Variants in TRIM28 observed in about 807,000 individuals in gnomAD.
TRIM28 encodes tripartite motif containing 28, also known as transcription intermediary factor 1-beta.
In TRIM28, 8 loss-of-function variants were observed where a neutral mutation model predicts 87.4. The observed-to-expected ratio is 0.09, with a 90% CI of 0.05 to 0.17. The LOEUF is 0.17. TRIM28 is among the 10% of genes least tolerant of loss of function. The probability of loss-of-function intolerance (pLI) is 1.00; values close to 1 mark genes in which losing one functional copy is unlikely to be tolerated. For synonymous variants in TRIM28, 601 were observed against 454.3 expected, an observed-to-expected ratio of 1.32 and a Z score of -4.11; for missense variants, 968 against 1,131.8, an observed-to-expected ratio of 0.86 and a Z score of 2.08.
At chr19:58,546,917 G>T (rs907378932) in intron 3 of TRIM28, among the ~76,000 whole-genome samples, 1 of 152,098 alleles carries the variant, frequency 6.6e-6, no homozygotes, top group African/African-American at 2.4e-5. Flanking sequence ...CCCTTGGATT[G>T]TAAGAGACCC....
chr19:58,550,358 G>A lies in TRIM28; in HGVS notation c.2332-19G>A. ...AAGAACTAGGACCCATTCATCCACT[G>A]CATTCCTGCTTGGCCCAGGACAAGG... On this transcript the variant is annotated intron_variant, in intron 16 of 16. Transcript: ENST00000253024. The A allele has an allele frequency of 6.2e-7, 1 of 1,613,004 alleles. No homozygotes were observed. The highest frequency in any genetic ancestry group is 8.5e-7 in the Non-Finnish European group (1 of 1,179,058).
intron 3 of TRIM28, chr19:58,547,019 T>C (rs1287927613): frequency 1.0e-5 from 2 of 191,302 alleles, no homozygotes; most frequent in Admixed American, 1.2e-4. Context: ...ATTCTGAGTA[T>C]GTCCACTTGG....
At chr19:58,545,225 T>G (rs888047724) in intron 1 of TRIM28, 128 bp downstream of exon 1, 1 of 984,468 alleles carries the variant, frequency 1.0e-6, no homozygotes. Context: ...AAATACTTTC[T>G]GGGTCCTGCA....
chr19:58,547,305 C>A, intron 3 of TRIM28, 71 bp from the exon 4 acceptor site: 1 of 1,582,612 alleles, frequency 6.3e-7, no homozygotes, highest in Non-Finnish European at 8.6e-7. Context: ...AAATGAGGCC[C>A]CAACTCATTC....
chr19:58,544,779 G>T lies in TRIM28; in HGVS notation c.22G>T (p.Ala8Ser), dbSNP rs992657769. Residue 8 changes from alanine (A) to serine (S), a missense_variant, in exon 1 of 17, where the codon GCC (alanine) becomes TCC (serine). Physicochemically the swap from Ala to Ser is moderately conservative, Grantham distance 99 (BLOSUM62 1). This residue lies in a region of TRIM28 where 208 missense variants were observed against 170.9 expected (regional missense o/e 1.22). Coordinates refer to ENST00000253024, the MANE Select transcript of TRIM28 (RefSeq NM_005762.3). ...GTGAATGGCGGCCTCCGCGGCGGCAGCCTCGGCAGCAGCGGCCTCGGCCGC... is the reference window on the plus strand; with the variant it reads ...GTGAATGGCGGCCTCCGCGGCGGCATCCTCGGCAGCAGCGGCCTCGGCCGC... MAASAAA[A>S]SAAAASAASG... is the part of the protein sequence containing the mutation. The T allele has an allele frequency of 1.7e-6, 2 of 1,167,220 alleles. No individual in the cohort carries two copies. The highest frequency in any genetic ancestry group is 1.6e-5 in the African/African-American group (1 of 61,418). The allele number at this position is 1,167,220 out of a possible 1,614,324, so 72.3% of individuals were successfully genotyped here.
At position 58,549,161 on chromosome 19, in the gene TRIM28, C is replaced by G. The variant is rs1175488490; in HGVS notation, c.1583C>G (p.Ala528Gly). The G allele has an allele frequency of 6.2e-7, 1 of 1,614,102 alleles. No individual in the cohort carries two copies. The highest frequency in any genetic ancestry group is 8.5e-7 in the Non-Finnish European group (1 of 1,179,988). Residue 528 changes from alanine (A) to glycine (G), a missense_variant, in exon 12 of 17, where the codon GCT becomes GGT. Physicochemically the swap from Ala to Gly is moderately conservative, Grantham distance 60 (BLOSUM62 0). This residue lies in a region of TRIM28 where 164 missense variants were observed against 146.2 expected (regional missense o/e 1.12). Transcript: ENST00000253024. This position sits in a 1 kb window ranked among gnomAD's most constrained non-coding sequence, Gnocchi z 4.4. Reference protein sequence around the residue: ...NLIVIERGAAAAATGQPGTAP... With the variant: ...NLIVIERGAAGAATGQPGTAP... ...ATTGTTATTGAACGTGGCGCTGCCG[C>G]TGCAGCTACCGGCCAGCCAGGGACT...
intron 2 of TRIM28, 21 bp downstream of exon 2, chr19:58,545,558 C>T (rs2053754010): frequency 1.9e-6 from 3 of 1,586,978 alleles, no homozygotes; most frequent in Admixed American, 1.7e-5. Flanking sequence ...TCTCAGCAAC[C>T]ACAAGGAGGT....
Position 58,544,733 on chromosome 19 carries a change from C to A in TRIM28, c.-25C>A, listed in dbSNP as rs896816701. 3.8e-5 allele frequency: 40 copies of A among 1,044,594 alleles called. No homozygotes were observed. The highest frequency in any genetic ancestry group is 2.8e-4 in the Admixed American group (5 of 18,132). The allele number at this position is 1,044,594 out of a possible 1,614,324, so 64.7% of individuals were successfully genotyped here. ...GCGGGCCCCGCGCCCCTCCTCCCCCCCTGGGCGCCCCCGGCGGCGTGTGAA... is the reference window on the plus strand; with the variant it reads ...GCGGGCCCCGCGCCCCTCCTCCCCCACTGGGCGCCCCCGGCGGCGTGTGAA... On this transcript the variant is annotated 5_prime_UTR_variant, in exon 1 of 17. Coordinates refer to ENST00000253024, the MANE Select transcript of TRIM28 (RefSeq NM_005762.3).
intron 2 of TRIM28, 76 bp downstream of exon 2, chr19:58,545,613 C>G: frequency 1.3e-6 from 2 of 1,490,168 alleles, no homozygotes; most frequent in Non-Finnish European, 1.9e-6. Flanking sequence ...GGCACCAGCT[C>G]CAGGCTGTTA....
Position 58,550,604 on chromosome 19 carries a change from AC to A in TRIM28, c.*55del. 6.4e-7 allele frequency: 1 copy of A among 1,557,056 alleles called. No homozygotes were observed. Among genetic ancestry groups the A allele is most frequent in the South Asian group, 1.1e-5 (1 of 88,058 alleles). Reference sequence around the variant, plus strand: ...GCCTGGCTCTGTTCTCTGTCCTGTCACCCCATCCCCACTCCCCTGGTGGCCT... The same window carrying A: ...GCCTGGCTCTGTTCTCTGTCCTGTCACCCATCCCCACTCCCCTGGTGGCCT... On this transcript the variant is annotated 3_prime_UTR_variant, in exon 17 of 17. Transcript: ENST00000253024.
chr19:58,545,193 G>A, intron 1 of TRIM28, 96 bp downstream of exon 1: 2 of 1,185,560 alleles, frequency 1.7e-6, no homozygotes, highest in Non-Finnish European at 2.3e-6. Flanking sequence ...GCGAGAGGAT[G>A]GGGGCCCGGA....
At position 58,544,912 on chromosome 19, in the gene TRIM28, C is replaced by A; in HGVS notation, c.155C>A (p.Ala52Glu). ...GCCTCAGCCGCGGCGTCGTCGCCCG[C>A]GGGGGGCGGCGCCGAGGCGCTGGAG... ...ASASAAASSP[A>E]GGGAEALELL... Residue 52 changes from alanine to glutamate, a missense_variant, in exon 1 of 17, where the codon GCG becomes GAG. By Grantham distance (107) the Ala-to-Glu change is moderately radical (BLOSUM62 -1). This residue lies in a region of TRIM28 where 208 missense variants were observed against 170.9 expected (regional missense o/e 1.22). Transcript: ENST00000253024. 1 of 1,390,624 alleles carries A rather than the reference C, an allele frequency of 7.2e-7. No individual in the cohort carries two copies. Among genetic ancestry groups the A allele is most frequent in the Non-Finnish European group, 9.3e-7 (1 of 1,080,846 alleles). The allele number at this position is 1,390,624 out of a possible 1,614,324, so 86.1% of individuals were successfully genotyped here.
intron 9 of TRIM28, 64 bp from the exon 10 acceptor site, chr19:58,548,676 G>C: frequency 9.7e-7 from 1 of 1,033,484 alleles, no homozygotes; most frequent in South Asian, 1.2e-5. Flanking sequence ...GGGGGGGTGG[G>C]CAGGGAATGG....
chr19:58,545,048 C>A lies in TRIM28; in HGVS notation c.291C>A (p.Pro97=). The change falls in exon 1 of 17, where the codon CCC becomes CCA. Residue 97 remains proline (P), a synonymous_variant. Coordinates refer to ENST00000253024, the MANE Select transcript of TRIM28 (RefSeq NM_005762.3). ...GTGCCTGCTTAGGGCCCGCGGCCCC[C>A]GCCGCCGCCAACAGCTCGGGGGACG... ...ACSACLGPAA[P]AAANSSGDGG... is the part of the protein sequence containing the mutation. The A allele has an allele frequency of 6.9e-7, 1 of 1,459,390 alleles. No individual in the cohort carries two copies. The allele number at this position is 1,459,390 out of a possible 1,614,324, so 90.4% of individuals were successfully genotyped here.
chr19:58,547,975 G>A, intron 6 of TRIM28, 59 bp from the exon 7 acceptor site: 1 of 1,613,122 alleles, frequency 6.2e-7, no homozygotes, highest in Non-Finnish European at 8.5e-7. Context: ...TCTGGGGTGA[G>A]GAGTGATCCT....
chr19:58,544,115 AGG>A lies in TRIM28; in HGVS notation c.-642_-641del, dbSNP rs2053735464. 1.3e-5 allele frequency: 2 copies of A among 152,474 alleles called. No individual in the cohort carries two copies. The highest frequency in any genetic ancestry group is 4.1e-4 in the South Asian group (2 of 4,846). 9.4% of individuals were successfully genotyped at this position (152,474 alleles called of 1,614,324 possible). ...TACGGCGGCGAAGAGACGCGGGTTG[AGG>A]AAGAGGGACGGATTGCCCATGCGCT... On this transcript the variant is annotated 5_prime_UTR_variant, in exon 1 of 17. Coordinates refer to ENST00000253024, the MANE Select transcript of TRIM28 (RefSeq NM_005762.3).
intron 15 of TRIM28, 55 bp downstream of exon 15, chr19:58,550,090 C>T: frequency 6.2e-7 from 1 of 1,613,424 alleles, no homozygotes; most frequent in Non-Finnish European, 8.5e-7. Context: ...GTCTCGCCCT[C>T]AACCTGTGCA....
At position 58,545,081 on chromosome 19, in the gene TRIM28, G is replaced by C; in HGVS notation, c.324G>C (p.Ala108=). The part of the protein sequence containing the change: ...AAANSSGDGG[A]AGDGTVVDCP... ...CCAACAGCTCGGGGGACGGCGGGGCGGCGGGCGACGGCACCGGTAAGTACG... is the reference window on the plus strand; with the variant it reads ...CCAACAGCTCGGGGGACGGCGGGGCCGCGGGCGACGGCACCGGTAAGTACG... The change falls in exon 1 of 17, where the codon GCG becomes GCC. Residue 108 remains alanine, a synonymous_variant. Transcript: ENST00000253024. 3.5e-6 allele frequency: 5 copies of C among 1,433,224 alleles called. No individual in the cohort carries two copies. The highest frequency in any genetic ancestry group is 3.3e-5 in the Admixed American group (1 of 30,712). 88.8% of individuals were successfully genotyped at this position (1,433,224 alleles called of 1,614,324 possible).
In TRIM28 at chr19:58,547,909, A is replaced by T. The variant is rs752851138; in HGVS notation, c.954+3A>T. 4 of 1,614,150 alleles carry T rather than the reference A, an allele frequency of 2.5e-6. No individual in the cohort carries two copies. The highest frequency in any genetic ancestry group is 3.4e-6 in the Non-Finnish European group (4 of 1,180,012). ...GTGTGCTGGTCAATGATGCCCAGGT[A>T]AGCCTTGTGCCGGTGAGAAGGGTCC... is the stretch of plus-strand genomic sequence containing the variant. On this transcript the variant is annotated splice_donor_region_variant and intron_variant, in intron 6 of 16. Transcript: ENST00000253024.
Sources: allele counts gnomAD v4.1 joint callset (sites outside exome capture counted in the v4.1 genomes callset), GRCh38; gene constraint gnomAD v4.1.1; regional missense constraint gnomAD v4.1.1; non-coding constraint Gnocchi (gnomAD v3.1); transcripts MANE v1.5; gene names NCBI Gene and HGNC (gene_info 2026-07-23, HGNC 2026-07-21).